Variants in TEF observed in about 807,000 individuals in gnomAD.
TEF encodes TEF transcription factor, PAR bZIP family member, also known as thyrotroph embryonic factor.
Under a neutral mutation model 20.8 loss-of-function variants are expected in TEF, and 3 were observed. The observed-to-expected ratio is 0.14, with a 90% confidence interval of 0.07 to 0.37. TEF has a LOEUF of 0.37. Ranked by LOEUF, TEF falls within the 10% of genes least tolerant of loss-of-function variation. The pLI is 1.00. For missense variants in TEF, 296 were observed against 397.9 expected, an observed-to-expected ratio of 0.74 and a Z score of 2.18; for synonymous variants, 180 against 171.1, an observed-to-expected ratio of 1.05 and a Z score of -0.41.
At chr22:41,376,522 C>A (rs1303933860) in intron 1 of TEF, among the ~76,000 whole-genome samples, 1 of 152,254 alleles carries the variant, frequency 6.6e-6, no homozygotes, top group Non-Finnish European at 1.5e-5. Context: ...GCCATCGTGC[C>A]AGGCCTGAAC....
At chr22:41,378,702 C>T (rs1229543523), upstream of TEF, among the ~76,000 whole-genome samples, 1 of 150,594 alleles carries the variant, frequency 6.6e-6, no homozygotes, top group East Asian at 2.0e-4. Flanking sequence ...GAACTCCTGA[C>T]CTCAGGTGAT....
chr22:41,381,773 C>G (rs1319025124), upstream of TEF, among the ~76,000 whole-genome samples: 1 of 152,036 alleles, frequency 6.6e-6, no homozygotes, highest in Non-Finnish European at 1.5e-5. Flanking sequence ...ATCCCGGCTG[C>G]CCGACCAATC....
intron 1 of TEF, chr22:41,367,731 T>C: frequency 1.2e-6 from 1 of 862,082 alleles, no homozygotes; most frequent in Non-Finnish European, 1.8e-6. Context: ...GCCCTTGGTC[T>C]CAGGGTGCAG....
chr22:41,369,989 G>GT, intron 1 of TEF: 1 of 985,416 alleles, frequency 1.0e-6, no homozygotes, highest in Non-Finnish European at 1.2e-6. Flanking sequence ...TGTGCAGAGC[G>GT]TATCTCACCT....
Position 41,395,725 on chromosome 22 carries a change from C to G in TEF, c.697-20C>G. ...CTCGTGGGGAAAGACGAGAGACTCA[C>G]AGAGGGCACTTCCCCACAGGATGAA... On this transcript the variant is annotated intron_variant, in intron 3 of 3. Coordinates refer to ENST00000266304, the MANE Select transcript of TEF (RefSeq NM_003216.4). 1 of 1,608,358 alleles carries G rather than the reference C, an allele frequency of 6.2e-7. No homozygotes were observed. The highest frequency in any genetic ancestry group is 8.5e-7 in the Non-Finnish European group (1 of 1,175,338).
chr22:41,386,987 C>T (rs576650113), intron 1 of TEF, among the ~76,000 whole-genome samples: 2 of 152,068 alleles, frequency 1.3e-5, no homozygotes, highest in South Asian at 2.1e-4. Flanking sequence ...GAGGTTGCAG[C>T]GAGCCGAAAT....
At chr22:41,379,231 C>T (rs1002249820), upstream of TEF, among the ~76,000 whole-genome samples, 1 of 151,998 alleles carries the variant, frequency 6.6e-6, no homozygotes, top group Non-Finnish European at 1.5e-5. Context: ...CCAGCTACTC[C>T]GGAGGCTGAG....
At chr22:41,384,640 A>G (rs975617409) in intron 1 of TEF, among the ~76,000 whole-genome samples, 10 of 152,056 alleles carry the variant, frequency 6.6e-5, no homozygotes, top group South Asian at 2.1e-4. Flanking sequence ...CCCATAGTCC[A>G]CCGTCTGCCT....
At chr22:41,392,770 C>T (rs946635755) in intron 2 of TEF, among the ~76,000 whole-genome samples, 13 of 151,276 alleles carry the variant, frequency 8.6e-5, no homozygotes, top group Middle Eastern at 3.5e-3. Flanking sequence ...GACGTGGTGG[C>T]TCACACCTGT....
chr22:41,386,766 A>G (rs1432599751), intron 1 of TEF, among the ~76,000 whole-genome samples: 1 of 151,788 alleles, frequency 6.6e-6, no homozygotes, highest in East Asian at 1.9e-4. Context: ...AAAATAAAAT[A>G]AAACAGGCCA....
intron 1 of TEF, among the ~76,000 whole-genome samples, chr22:41,373,627 G>A (rs1233826865): frequency 6.6e-6 from 1 of 151,680 alleles, no homozygotes; most frequent in Middle Eastern, 3.4e-3. Flanking sequence ...CCACCACCAC[G>A]CCCAGATAAT....
Position 41,382,032 on chromosome 22 carries a change from A to C in TEF, c.-13A>C, listed in dbSNP as rs754058932. 1.6e-6 allele frequency: 2 copies of C among 1,230,198 alleles called. No homozygotes were observed. Among genetic ancestry groups the C allele is most frequent in the African/African-American group, 3.1e-5 (2 of 64,288 alleles). 76.2% of individuals were successfully genotyped at this position (1,230,198 alleles called of 1,614,324 possible). On this transcript the variant is annotated 5_prime_UTR_variant, in exon 1 of 4. Transcript: ENST00000266304. ...CGGGGGAGGCGAGGTGCGCGAGCCG[A>C]GTCCGGGGCACGATGTCCGACGCGG...
intron 1 of TEF, chr22:41,369,356 G>A (rs976857082): frequency 3.0e-5 from 21 of 698,018 alleles, no homozygotes; most frequent in South Asian, 2.5e-4. Context: ...AGCTGTGGCC[G>A]AGAATTAGTT....
At chr22:41,368,993 C>G (rs1489166191) in intron 1 of TEF, 1 of 928,792 alleles carries the variant, frequency 1.1e-6, no homozygotes, top group Non-Finnish European at 1.3e-6. Context: ...GAACACATTT[C>G]CAAAAGCTAA....
At chr22:41,383,541 C>G (rs185558045) in intron 1 of TEF, among the ~76,000 whole-genome samples, 93 of 152,264 alleles carry the variant, frequency 6.1e-4, no homozygotes, top group Non-Finnish European at 1.1e-3. Flanking sequence ...TCCCCTCTTC[C>G]CAGATGAGGA....
intron 1 of TEF, among the ~76,000 whole-genome samples, chr22:41,370,680 G>A (rs1030001708): frequency 6.6e-6 from 1 of 152,190 alleles, no homozygotes; most frequent in African/African-American, 2.4e-5. Context: ...CCAAAGTGCT[G>A]GGATTACAGG....
chr22:41,384,220 T>C (rs1241459138), intron 1 of TEF, among the ~76,000 whole-genome samples: 1 of 152,240 alleles, frequency 6.6e-6, no homozygotes, highest in Non-Finnish European at 1.5e-5. Flanking sequence ...TCCCTCAATT[T>C]TGAAAACCCA....
rs1211742693 is a variant in TEF, at chr22:41,387,733, G to A, written c.475+65G>A. ...CAGGGAAGTCCATTTCCCACTGAGGGCTGCTTGTGTCCATGTACCCAGTGA... is the reference window on the plus strand; with the variant it reads ...CAGGGAAGTCCATTTCCCACTGAGGACTGCTTGTGTCCATGTACCCAGTGA... On this transcript the variant is annotated intron_variant, in intron 2 of 3. Coordinates refer to ENST00000266304, the MANE Select transcript of TEF (RefSeq NM_003216.4). The A allele has an allele frequency of 2.0e-6, 3 of 1,490,822 alleles. No individual in the cohort carries two copies. The African/African-American group carries it at 4.2e-5, about 21-fold the overall frequency. The allele number at this position is 1,490,822 out of a possible 1,614,324, so 92.3% of individuals were successfully genotyped here. A position where few individuals can be genotyped will look rare whatever the true frequency, so the allele number is the denominator to read the frequency against.
chr22:41,392,256 A>G (rs1243782464), intron 2 of TEF, among the ~76,000 whole-genome samples: 1 of 152,204 alleles, frequency 6.6e-6, no homozygotes, highest in Non-Finnish European at 1.5e-5. Context: ...GGCAGGGAAG[A>G]ACAAGGAATC....
Sources: gnomAD v4.1 joint callset for allele counts (sites outside exome capture counted in the v4.1 genomes callset) on GRCh38, gnomAD v4.1.1 for gene constraint, MANE v1.5 for transcripts, NCBI Gene and HGNC (gene_info 2026-07-23, HGNC 2026-07-21) for gene names.